Variants in MEF2D observed in about 807,000 individuals in gnomAD.
MEF2D encodes myocyte enhancer factor 2D.
MEF2D carries 10 observed loss-of-function variants against 59.3 expected under a neutral mutation model. The ratio of observed to expected loss-of-function variants is 0.17; its 90% CI spans 0.10 to 0.29. The LOEUF is 0.29. Among genes scored for constraint, MEF2D ranks in the 10% least tolerant of loss-of-function variants. The pLI, the probability that MEF2D is intolerant of heterozygous loss-of-function variation, is 1.00. For missense variants in MEF2D, 508 were observed against 699.4 expected (o/e 0.73, Z 3.09); for synonymous variants, 305 against 295.0 (o/e 1.03, Z -0.35).
chr1:156,485,005 T>C (rs1672255928), intron 1 of MEF2D, among the ~76,000 whole-genome samples: 1 of 152,094 alleles, frequency 6.6e-6, no homozygotes, highest in East Asian at 1.9e-4. Context: ...GGCCCATGCT[T>C]TCTAAAGCCA....
chr1:156,479,911 G>A (rs995111128), intron 4 of MEF2D, 115 bp from the exon 5 acceptor site: 1 of 1,028,102 alleles, frequency 9.7e-7, no homozygotes, highest in Non-Finnish European at 1.4e-6. Context: ...GCATCCTAGG[G>A]CCAGCAGTTC....
intron 1 of MEF2D, among the ~76,000 whole-genome samples, chr1:156,499,876 AACACGGGCCCCGGAG>A (rs895075519): frequency 1.3e-5 from 2 of 151,936 alleles, no homozygotes; most frequent in African/African-American, 4.8e-5. Context: ...GCACCCGGCA[AACACGGGCCCCGGAG>A]ACACACACAC....
intron 9 of MEF2D, among the ~76,000 whole-genome samples, chr1:156,472,638 TC>T (rs1671305398): frequency 6.6e-6 from 1 of 152,072 alleles, no homozygotes; most frequent in Non-Finnish European, 1.5e-5. Flanking sequence ...AACCTCCACC[TC>T]CCAGGTTCAA....
chr1:156,474,794 AGTGAAACCCT>A (rs1671458320), intron 9 of MEF2D, among the ~76,000 whole-genome samples: 1 of 152,164 alleles, frequency 6.6e-6, no homozygotes, highest in African/African-American at 2.4e-5. Flanking sequence ...TGGGTGACAG[AGTGAAACCCT>A]GTTCCAAAAA....
At chr1:156,490,266 C>T (rs1386168521) in intron 1 of MEF2D, among the ~76,000 whole-genome samples, 1 of 152,086 alleles carries the variant, frequency 6.6e-6, no homozygotes, top group Non-Finnish European at 1.5e-5. Flanking sequence ...TCCCTCTGCC[C>T]CCTCTCTGTC....
Position 156,468,436 on chromosome 1 carries a change from G to A in MEF2D, c.1248-137C>T. ...TATGGGGGATGGGGTGTTGGGGAGA[G>A]GCAATTGGATGGAGAGTGATCAGAA... On this transcript the variant is annotated intron_variant, in intron 10 of 11. Coordinates refer to ENST00000348159, the MANE Select transcript of MEF2D (RefSeq NM_005920.4). This position sits in a 1 kb window ranked among gnomAD's most constrained non-coding sequence, Gnocchi z 4.3. The A allele has an allele frequency of 1.5e-6, 1 of 662,568 alleles. No homozygotes were observed. The highest frequency in any genetic ancestry group is 2.5e-6 in the Non-Finnish European group (1 of 396,666). The allele number at this position is 662,568 out of a possible 1,614,324, so 41.0% of individuals were successfully genotyped here.
At chr1:156,472,812 T>C (rs1671318095) in intron 9 of MEF2D, among the ~76,000 whole-genome samples, 2 of 151,354 alleles carry the variant, frequency 1.3e-5, no homozygotes, top group Admixed American at 6.6e-5. Context: ...CAAGTTCAAG[T>C]GATTCTCCTG....
intron 1 of MEF2D, among the ~76,000 whole-genome samples, chr1:156,500,015 G>GC (rs1175841686): frequency 6.6e-6 from 1 of 152,044 alleles, no homozygotes; most frequent in East Asian, 1.9e-4. Flanking sequence ...GCCCTCCCAG[G>GC]CCCCCTTCTG....
At chr1:156,484,576 CAG>C (rs2102162278) in intron 1 of MEF2D, among the ~76,000 whole-genome samples, 1 of 152,316 alleles carries the variant, frequency 6.6e-6, no homozygotes, top group Non-Finnish European at 1.5e-5. Context: ...TTGAAGCAGA[CAG>C]AGAAAATACA....
At chr1:156,490,115 G>C (rs192861521) in intron 1 of MEF2D, among the ~76,000 whole-genome samples, 1 of 152,140 alleles carries the variant, frequency 6.6e-6, no homozygotes, top group East Asian at 1.9e-4. Context: ...TTACCCCTCC[G>C]AAGTCTGAGC....
At chr1:156,480,747 T>C (rs1395868890) in intron 4 of MEF2D, 87 bp downstream of exon 4, 1 of 1,606,460 alleles carries the variant, frequency 6.2e-7, no homozygotes, top group Non-Finnish European at 8.5e-7. Flanking sequence ...ACCTCAGGGC[T>C]CTCACATTCC....
chr1:156,492,515 C>T (rs1266404421), intron 1 of MEF2D, among the ~76,000 whole-genome samples: 1 of 152,222 alleles, frequency 6.6e-6, no homozygotes, highest in Non-Finnish European at 1.5e-5. Context: ...TCCAGAGTAT[C>T]TACACCTCTC....
In MEF2D at chr1:156,480,643, G is replaced by A. The variant is rs1002913413; in HGVS notation, c.396+191C>T. On this transcript the variant is annotated intron_variant, in intron 4 of 11. Transcript: ENST00000348159. ...GGCTCTGCTCCATGCGACTACTCAC[G>A]GCCAGTCTATAACTCTGCATCATTT... 32 of 1,548,728 alleles carry A rather than the reference G, an allele frequency of 2.1e-5. No individual in the cohort carries two copies. The African/African-American group carries it at 2.3e-4, about 11-fold the overall frequency.
At chr1:156,498,589 T>C (rs1050639525) in intron 1 of MEF2D, among the ~76,000 whole-genome samples, 9 of 151,828 alleles carry the variant, frequency 5.9e-5, no homozygotes, top group Non-Finnish European at 1.3e-4. Flanking sequence ...GCTCCTCCCT[T>C]CCTCCCTTCC....
At chr1:156,480,787 AG>A (rs1557886173) in intron 4 of MEF2D, 46 bp downstream of exon 4, 27 of 1,560,304 alleles carry the variant, frequency 1.7e-5, no homozygotes, top group Non-Finnish European at 2.3e-5. Flanking sequence ...CCTGGGGGGA[AG>A]GGGCCGGAAG....
chr1:156,469,155 A>C, intron 9 of MEF2D, 135 bp from the exon 10 acceptor site: 2 of 1,220,026 alleles, frequency 1.6e-6, no homozygotes, highest in Non-Finnish European at 2.2e-6. Flanking sequence ...GAATTCAAGA[A>C]GACCACAAAA....
intron 1 of MEF2D, among the ~76,000 whole-genome samples, chr1:156,487,258 T>C (rs1026756992): frequency 3.3e-5 from 5 of 152,192 alleles, no homozygotes; most frequent in African/African-American, 1.2e-4. Flanking sequence ...AGAGATTCAC[T>C]GAGCATCGTC....
At chr1:156,497,128 T>A (rs1362979792) in intron 1 of MEF2D, among the ~76,000 whole-genome samples, 1 of 152,214 alleles carries the variant, frequency 6.6e-6, no homozygotes, top group Non-Finnish European at 1.5e-5. Flanking sequence ...GCTGTGATCA[T>A]GGATAGACAG....
Position 156,467,244 on chromosome 1 carries a change from T to G in MEF2D, c.*401A>C, listed in dbSNP as rs1571209483. 7.1e-6 allele frequency: 1 copy of G among 139,992 alleles called. No individual in the cohort carries two copies. Among genetic ancestry groups the G allele is most frequent in the Non-Finnish European group, 1.6e-5 (1 of 64,442 alleles). The allele number at this position is 139,992 out of a possible 1,614,324, so 8.7% of individuals were successfully genotyped here. A position where few individuals can be genotyped will look rare whatever the true frequency, so the allele number is the denominator to read the frequency against. On this transcript the variant is annotated 3_prime_UTR_variant, in exon 12 of 12. Transcript: ENST00000348159. ...GTAGTTTTTTGGTTATTTCCCTCTATCTGGGGGTGGGGTGGGAGGGCTCCA... is the reference window on the plus strand; with the variant it reads ...GTAGTTTTTTGGTTATTTCCCTCTAGCTGGGGGTGGGGTGGGAGGGCTCCA...
Sources: allele counts gnomAD v4.1 joint callset (sites outside exome capture counted in the v4.1 genomes callset), GRCh38; gene constraint gnomAD v4.1.1; non-coding constraint Gnocchi (gnomAD v3.1); transcripts MANE v1.5; gene names NCBI Gene and HGNC (gene_info 2026-07-23, HGNC 2026-07-21).